NDUFB6: variants seen among roughly 807,000 people sequenced by gnomAD.
NDUFB6 encodes NADH:ubiquinone oxidoreductase subunit B6.
Under a neutral mutation model 17.5 loss-of-function variants are expected in NDUFB6, and 23 were observed. That is an observed-to-expected ratio of 1.31 (90% CI 0.94 to 1.86). The LOEUF is 1.86. Ranked by LOEUF, NDUFB6 falls within the 40% of genes most tolerant of loss-of-function variation. The probability of loss-of-function intolerance (pLI) is 0.00; values close to 1 mark genes in which losing one functional copy is unlikely to be tolerated. For synonymous variants in NDUFB6, 60 were observed against 53.5 expected, an observed-to-expected ratio of 1.12 and a Z score of -0.53; for missense variants, 167 against 153.8, an observed-to-expected ratio of 1.09 and a Z score of -0.46.
At chr9:32,569,956 C>G (rs771099808) in intron 2 of NDUFB6, among the ~76,000 whole-genome samples, 2 of 152,186 alleles carry the variant, frequency 1.3e-5, no homozygotes, top group Non-Finnish European at 2.9e-5. Context: ...TTTTGGTGGT[C>G]TAGAACCAAA....
chr9:32,569,980 A>T (rs1272264004), intron 2 of NDUFB6, among the ~76,000 whole-genome samples: 1 of 152,212 alleles, frequency 6.6e-6, no homozygotes. Context: ...TACTTTTGGA[A>T]CTGCATTGTT....
chr9:32,564,580 T>C (rs1233343838), intron 2 of NDUFB6, among the ~76,000 whole-genome samples: 1 of 152,188 alleles, frequency 6.6e-6, no homozygotes, highest in East Asian at 1.9e-4. Context: ...TCAAGTATCA[T>C]AAAATACATG....
At position 32,573,115 on chromosome 9, in the gene NDUFB6, GTTAC is replaced by G; in HGVS notation, c.-59_-56del. 6.8e-7 allele frequency: 1 copy of G among 1,461,182 alleles called. No individual in the cohort carries two copies. The allele number at this position is 1,461,182 out of a possible 1,614,324, so 90.5% of individuals were successfully genotyped here. On this transcript the variant is annotated 5_prime_UTR_variant, in exon 1 of 4. Coordinates refer to ENST00000379847, the MANE Select transcript of NDUFB6 (RefSeq NM_002493.5). ...CGGCGCACCCTCGAACTACGGACTAGTTACTTAAGCGCGCTCCCGCTCTGCAAAG... is the reference window on the plus strand; with the variant it reads ...CGGCGCACCCTCGAACTACGGACTAGTTAAGCGCGCTCCCGCTCTGCAAAG...
chr9:32,563,794 A>G (rs945277257), intron 2 of NDUFB6, among the ~76,000 whole-genome samples: 1 of 152,098 alleles, frequency 6.6e-6, no homozygotes, highest in Non-Finnish European at 1.5e-5. Flanking sequence ...ATGGATTTTC[A>G]TTTTATTCAG....
intron 2 of NDUFB6, among the ~76,000 whole-genome samples, chr9:32,560,059 A>C (rs1821583927): frequency 1.3e-5 from 2 of 152,218 alleles, no homozygotes; most frequent in Non-Finnish European, 2.9e-5. Flanking sequence ...AGCACTTTAA[A>C]ATGTCTTTAC....
intron 1 of NDUFB6, 140 bp downstream of exon 1, chr9:32,572,741 G>A (rs1821970293): frequency 3.0e-6 from 2 of 675,580 alleles, no homozygotes; most frequent in Non-Finnish European, 2.3e-6. Context: ...GACTCCAGGA[G>A]GACTCTCGGG....
At chr9:32,556,704 C>T (rs1200652917) in intron 3 of NDUFB6, among the ~76,000 whole-genome samples, 1 of 152,056 alleles carries the variant, frequency 6.6e-6, no homozygotes, top group Non-Finnish European at 1.5e-5. Flanking sequence ...AATAAATTAA[C>T]ATTTAAATGG....
intron 2 of NDUFB6, among the ~76,000 whole-genome samples, chr9:32,562,544 TTC>T (rs1821655707): frequency 6.6e-6 from 1 of 152,236 alleles, no homozygotes; most frequent in Non-Finnish European, 1.5e-5. Flanking sequence ...AGTCCTTAAC[TTC>T]TGTCTTTATT....
At chr9:32,567,031 C>T (rs564151610) in intron 2 of NDUFB6, 119 of 502,554 alleles carry the variant, frequency 2.4e-4, no homozygotes, top group African/African-American at 2.2e-3. Context: ...AGAGGTAGCC[C>T]TTGCGCAGCA....
intron 2 of NDUFB6, among the ~76,000 whole-genome samples, chr9:32,560,685 C>T (rs1242373590): frequency 6.6e-6 from 1 of 152,048 alleles, no homozygotes; most frequent in Non-Finnish European, 1.5e-5. Flanking sequence ...ATTGAACACA[C>T]AAAATGTATA....
intron 3 of NDUFB6, among the ~76,000 whole-genome samples, chr9:32,554,187 A>G (rs571821671): frequency 6.6e-6 from 1 of 152,378 alleles, no homozygotes; most frequent in Admixed American, 6.5e-5. Flanking sequence ...AAAGGGCACG[A>G]AAATTGTGTT....
At chr9:32,568,748 A>ATTTTT (rs869080203) in intron 2 of NDUFB6, 15 of 114,398 alleles carry the variant, frequency 1.3e-4, no homozygotes, top group African/African-American at 5.5e-4. Flanking sequence ...ATATATATAT[A>ATTTTT]TTTTTTTTTT....
chr9:32,558,375 T>G (rs974030894), intron 3 of NDUFB6, among the ~76,000 whole-genome samples: 12 of 152,198 alleles, frequency 7.9e-5, no homozygotes, highest in Non-Finnish European at 1.6e-4. Context: ...CCTCCCAAAG[T>G]GCTGGGATTA....
chr9:32,565,239 G>T (rs1158801175), intron 2 of NDUFB6, among the ~76,000 whole-genome samples: 1 of 151,814 alleles, frequency 6.6e-6, no homozygotes. Context: ...GTCGCAGTGA[G>T]CCGAGATCGC....
At chr9:32,561,597 A>C (rs1821628555) in intron 2 of NDUFB6, among the ~76,000 whole-genome samples, 1 of 152,108 alleles carries the variant, frequency 6.6e-6, no homozygotes, top group South Asian at 2.1e-4. Flanking sequence ...CCAAAGTGCC[A>C]GGATTACAAG....
chr9:32,572,530 C>T (rs1332237714), intron 1 of NDUFB6, among the ~76,000 whole-genome samples: 2 of 152,150 alleles, frequency 1.3e-5, no homozygotes, highest in African/African-American at 4.8e-5. Context: ...CAAGTGTCCT[C>T]AAATACTTAA....
intron 2 of NDUFB6, chr9:32,568,010 A>G (rs572570134): frequency 1.2e-3 from 205 of 167,442 alleles, no homozygotes; most frequent in Non-Finnish European, 2.4e-3. Context: ...AGATGGCACC[A>G]CCGCACTCCA....
At chr9:32,564,669 T>C (rs1183617129) in intron 2 of NDUFB6, among the ~76,000 whole-genome samples, 1 of 152,186 alleles carries the variant, frequency 6.6e-6, no homozygotes, top group Non-Finnish European at 1.5e-5. Context: ...CAGCGTTTCC[T>C]TCCAGATTGT....
intron 3 of NDUFB6, among the ~76,000 whole-genome samples, chr9:32,557,887 T>A (rs1407711571): frequency 1.3e-5 from 2 of 152,240 alleles, no homozygotes; most frequent in African/African-American, 4.8e-5. Context: ...TGTGACTAAG[T>A]CATTTGATTA....
Sources: allele counts gnomAD v4.1 joint callset (sites outside exome capture counted in the v4.1 genomes callset), GRCh38; gene constraint gnomAD v4.1.1; transcripts MANE v1.5; gene names NCBI Gene and HGNC (gene_info 2026-07-23, HGNC 2026-07-21).